The following ROBO2 variants were observed in gnomAD, a reference collection of about 807,000 sequenced individuals.
The protein encoded by ROBO2 is roundabout homolog 2.
ROBO2 carries 53 observed loss-of-function variants against 160.8 expected under a neutral mutation model. The ratio of observed to expected loss-of-function variants is 0.33; its 90% CI spans 0.26 to 0.41. The LOEUF (loss-of-function observed/expected upper bound fraction) is 0.41, where lower values mean the gene tolerates loss of function less well. Among genes scored for constraint, ROBO2 ranks in the 10% least tolerant of loss-of-function variants. The probability of loss-of-function intolerance (pLI) is 1.00; values close to 1 mark genes in which losing one functional copy is unlikely to be tolerated. For synonymous variants in ROBO2, 664 were observed against 611.7 expected (o/e 1.09, Z -1.26); for missense variants, 1,577 against 1,722.4 (o/e 0.92, Z 1.49).
At chr3:77,322,765 A>G (rs992066232) in intron 2 of ROBO2, among the ~76,000 whole-genome samples, 2 of 138,044 alleles carry the variant, frequency 1.4e-5, no homozygotes, top group African/African-American at 2.7e-5. Flanking sequence ...ATAATATATT[A>G]TATTATACAT....
intron 2 of ROBO2, among the ~76,000 whole-genome samples, chr3:76,431,914 A>G (rs1419455603): frequency 6.6e-6 from 1 of 152,136 alleles, no homozygotes; most frequent in Non-Finnish European, 1.5e-5. Context: ...TGGGACACTG[A>G]AAGGTCAAAA....
intron 2 of ROBO2, among the ~76,000 whole-genome samples, chr3:76,193,272 T>G (rs926169716): frequency 6.6e-6 from 1 of 152,144 alleles, no homozygotes; most frequent in African/African-American, 2.4e-5. Flanking sequence ...TCAGATATGT[T>G]TCTGCTCTTT....
At chr3:77,396,302 G>A (rs988661200) in intron 2 of ROBO2, among the ~76,000 whole-genome samples, 2 of 151,946 alleles carry the variant, frequency 1.3e-5, no homozygotes, top group Non-Finnish European at 2.9e-5. Context: ...TCAAAACTAG[G>A]CAGTCTGTAA....
At chr3:77,132,902 A>G (rs2075978317) in intron 2 of ROBO2, among the ~76,000 whole-genome samples, 1 of 152,154 alleles carries the variant, frequency 6.6e-6, no homozygotes, top group Non-Finnish European at 1.5e-5. Context: ...GCTAGGTTGA[A>G]GGTTTACAGA....
chr3:76,194,350 GTAAATATATATATATATATATA>G (rs1472411544), intron 2 of ROBO2, among the ~76,000 whole-genome samples: 16 of 42,058 alleles, frequency 3.8e-4, no homozygotes, highest in Middle Eastern at 0.012. Flanking sequence ...TGTATGGTGT[GTAAATATATATATATATATATA>G]TATATATATA....
intron 2 of ROBO2, among the ~76,000 whole-genome samples, chr3:76,050,509 T>C (rs1455400448): frequency 6.6e-6 from 1 of 152,138 alleles, no homozygotes; most frequent in Non-Finnish European, 1.5e-5. Flanking sequence ...TAAACTCCCT[T>C]TCATGTATAC....
chr3:76,489,281 A>G (rs2079683265), intron 2 of ROBO2, among the ~76,000 whole-genome samples: 1 of 151,854 alleles, frequency 6.6e-6, no homozygotes, highest in African/African-American at 2.4e-5. Context: ...TCATTGCTGA[A>G]ATGGGAAATT....
intron 2 of ROBO2, among the ~76,000 whole-genome samples, chr3:76,037,530 G>A (rs548830750): frequency 8.6e-5 from 13 of 151,722 alleles, no homozygotes; most frequent in South Asian, 6.2e-4. Flanking sequence ...GCTGGGATTC[G>A]CATGTTCATT....
rs554424310 is a variant in ROBO2 at position 77,273,671 on chromosome 3, AAAG to A, written c.388+175336_388+175338del. The stretch of plus-strand genomic sequence containing the variant: ...TGACTTAAAAACATTATGCTAAATA[AAAG>A]AAGACAGACTCAAATGACTATATGC... On this transcript the variant is annotated intron_variant, in intron 2 of 25. Coordinates refer to ENST00000461745, the Ensembl canonical transcript of ROBO2. Among the ~76,000 whole-genome samples the A allele has an allele frequency of 2.4e-3, 362 of 152,328 alleles. 2 individuals are homozygous for A. Among genetic ancestry groups the A allele is most frequent in the African/African-American group, 7.8e-3 (325 of 41,566 alleles).
chr3:76,175,657 T>G (rs1433748496), intron 2 of ROBO2, among the ~76,000 whole-genome samples: 3 of 152,144 alleles, frequency 2.0e-5, no homozygotes, highest in Non-Finnish European at 4.4e-5. Context: ...TCTCTGGAAC[T>G]GCTGGTTCCT....
chr3:76,769,311 G>A (rs2061748762), intron 2 of ROBO2, among the ~76,000 whole-genome samples: 1 of 151,346 alleles, frequency 6.6e-6, no homozygotes, highest in Non-Finnish European at 1.5e-5. Flanking sequence ...TGATTAAGTA[G>A]ATCTAGAGTG....
chr3:76,391,521 C>CT lies in ROBO2; in HGVS notation c.109+453931dup, dbSNP rs11329652. On this transcript the variant is annotated intron_variant, in intron 2 of 26. Transcript: ENST00000487694. ...TAACATCTTCCTCATGATGGTGATA[C>CT]TTTTTTTTTTTTGAGATGGAATCTC... 7.7e-3 allele frequency among the ~76,000 whole-genome samples: 1,142 copies of CT among 148,100 alleles called. 10 individuals are homozygous for CT. The highest frequency in any genetic ancestry group is 0.017 in the South Asian group (81 of 4,694).
In ROBO2 at chr3:76,605,951, G is replaced by A. The variant is rs151246330; in HGVS notation, c.110-492063G>A. On this transcript the variant is annotated intron_variant, in intron 2 of 26. Coordinates refer to the ROBO2 transcript ENST00000487694. The stretch of plus-strand genomic sequence containing the variant: ...TAACATCATTGTCTTTCAAGGATGC[G>A]GTAGACAGGACCCCGTTATTTGGAG... 1.8e-3 allele frequency among the ~76,000 whole-genome samples: 272 copies of A among 152,074 alleles called. 4 individuals carry two copies. Among genetic ancestry groups the A allele is most frequent in the Admixed American group, 0.016 (245 of 15,268 alleles).
chr3:76,985,812 C>T (rs1252070353), intron 2 of ROBO2, among the ~76,000 whole-genome samples: 1 of 152,022 alleles, frequency 6.6e-6, no homozygotes, highest in Non-Finnish European at 1.5e-5. Context: ...TCAACAATAA[C>T]ATATATGATG....
chr3:77,112,124 G>A (rs2073670477), intron 2 of ROBO2, among the ~76,000 whole-genome samples: 1 of 150,868 alleles, frequency 6.6e-6, no homozygotes, highest in South Asian at 2.1e-4. Flanking sequence ...CCCAGGAGGC[G>A]GAGGTTGCAG....
At chr3:76,104,262 A>G (rs1222246563) in intron 2 of ROBO2, among the ~76,000 whole-genome samples, 3 of 152,214 alleles carry the variant, frequency 2.0e-5, no homozygotes, top group Non-Finnish European at 4.4e-5. Flanking sequence ...TAGTAACTAT[A>G]AGCTGGAGAT....
chr3:76,273,181 T>C (rs1707698854), intron 2 of ROBO2, among the ~76,000 whole-genome samples: 1 of 140,420 alleles, frequency 7.1e-6, no homozygotes, highest in African/African-American at 2.7e-5. Flanking sequence ...CTTTTTTATT[T>C]ACATGGATAA....
intron 2 of ROBO2, among the ~76,000 whole-genome samples, chr3:76,346,616 C>A (rs906349323): frequency 6.6e-6 from 1 of 152,038 alleles, no homozygotes; most frequent in African/African-American, 2.4e-5. Flanking sequence ...TTGTCCAGAG[C>A]CACTAGATGA....
rs151186322 is a variant in ROBO2, at chr3:77,408,070, T to C, written c.389-69344T>C. On this transcript the variant is annotated intron_variant, in intron 2 of 25. Coordinates refer to ENST00000461745, the Ensembl canonical transcript of ROBO2. The stretch of plus-strand genomic sequence containing the variant: ...TGCATTTGGATGTGTATCAGGGTAA[T>C]TGGAGGGAGGATCAGAGAACAAAAA... Among the ~76,000 whole-genome samples the C allele has an allele frequency of 4.3e-3, 657 of 151,348 alleles. 2 individuals carry two copies. The highest frequency in any genetic ancestry group is 7.1e-3 in the Non-Finnish European group (484 of 67,868).
Sources: allele counts gnomAD v4.1 joint callset (sites outside exome capture counted in the v4.1 genomes callset), GRCh38; gene constraint gnomAD v4.1.1; transcripts MANE v1.5; gene names NCBI Gene and HGNC (gene_info 2026-07-23, HGNC 2026-07-21).